Variants in UBE2K observed in about 807,000 individuals in gnomAD.
UBE2K encodes the protein ubiquitin-conjugating enzyme E2 K.
A neutral mutation model predicts 30.0 loss-of-function variants in UBE2K; 6 were observed. The ratio of observed to expected loss-of-function variants is 0.20; its 90% CI spans 0.11 to 0.39. UBE2K has a LOEUF of 0.39. UBE2K is among the 10% of genes least tolerant of loss of function. UBE2K has a pLI of 1.00. For synonymous variants in UBE2K, 86 were observed against 83.7 expected (o/e 1.03, Z -0.15); for missense variants, 61 against 241.6 (o/e 0.25, Z 4.96).
chr4:39,733,927 G>A (rs1720214160), intron 1 of UBE2K, among the ~76,000 whole-genome samples: 1 of 152,078 alleles, frequency 6.6e-6, no homozygotes, highest in Non-Finnish European at 1.5e-5. Context: ...GCTTGTGGGA[G>A]CAGGGGGATT....
rs1275616922 is a variant in UBE2K at position 39,747,082 on chromosome 4, A to G, written c.216+1272A>G. On this transcript the variant is annotated intron_variant, in intron 3 of 6. Transcript: ENST00000261427. ...TTGTTCCAGTTTAAGAATAGATATG[A>G]TAATGGAAGTTCCAGGGTGATTTTG... 5.9e-5 allele frequency among the ~76,000 whole-genome samples: 9 copies of G among 152,320 alleles called. No individual in the cohort carries two copies. In the East Asian group the frequency reaches 1.7e-3, roughly 29 times the overall value.
chr4:39,716,905 G>A (rs927919362), intron 1 of UBE2K, among the ~76,000 whole-genome samples: 1 of 151,166 alleles, frequency 6.6e-6, no homozygotes, highest in African/African-American at 2.4e-5. Flanking sequence ...AGCCGAGACA[G>A]GAGAATCACT....
chr4:39,734,147 C>T (rs1720225905), intron 1 of UBE2K, among the ~76,000 whole-genome samples: 1 of 149,174 alleles, frequency 6.7e-6, no homozygotes, highest in Admixed American at 6.8e-5. Context: ...ACTGTGTTAC[C>T]CAAACTGGAG....
At chr4:39,764,886 T>C (rs200783395) in intron 4 of UBE2K, among the ~76,000 whole-genome samples, 2,267 of 72,532 alleles carry the variant, frequency 0.031, 56 homozygotes, top group African/African-American at 0.14. Context: ...TAAGAACTTA[T>C]TAATTTTTTT....
intron 1 of UBE2K, among the ~76,000 whole-genome samples, chr4:39,707,646 C>G (rs543337509): frequency 4.8e-4 from 73 of 151,546 alleles, no homozygotes; most frequent in African/African-American, 1.7e-3. Flanking sequence ...CTCAGCCTCC[C>G]GAGTAGCTGG....
At chr4:39,703,946 A>C (rs1718182322) in intron 1 of UBE2K, among the ~76,000 whole-genome samples, 1 of 152,066 alleles carries the variant, frequency 6.6e-6, no homozygotes, top group Admixed American at 6.6e-5. Context: ...AAGACAAAAA[A>C]TATATACTGG....
intron 3 of UBE2K, among the ~76,000 whole-genome samples, chr4:39,747,304 T>C (rs1328825426): frequency 6.6e-6 from 1 of 152,224 alleles, no homozygotes; most frequent in Non-Finnish European, 1.5e-5. Flanking sequence ...TCTGTAGAAC[T>C]TTCTCACCTT....
In UBE2K at chr4:39,725,555, G is replaced by C. The variant is rs570425312; in HGVS notation, c.64-11865G>C. On this transcript the variant is annotated intron_variant, in intron 1 of 6. Coordinates refer to ENST00000261427, the MANE Select transcript of UBE2K (RefSeq NM_005339.5). Reference sequence around the variant, plus strand: ...GGGATTGGGTTTTTCACTTCCCTTGGGTCAGTTAGCTCTGATAAAACTCCA... The same window carrying C: ...GGGATTGGGTTTTTCACTTCCCTTGCGTCAGTTAGCTCTGATAAAACTCCA... 4.6e-5 allele frequency among the ~76,000 whole-genome samples: 7 copies of C among 152,038 alleles called. No homozygotes were observed. The East Asian group carries it at 1.4e-3, about 29-fold the overall frequency.
chr4:39,734,940 C>T (rs180904482), intron 1 of UBE2K, among the ~76,000 whole-genome samples: 11 of 152,326 alleles, frequency 7.2e-5, no homozygotes, highest in Non-Finnish European at 1.6e-4. Flanking sequence ...TCTAATCTCC[C>T]TCTCCTTTCC....
chr4:39,711,027 C>T (rs1349649214), intron 1 of UBE2K, among the ~76,000 whole-genome samples: 1 of 151,142 alleles, frequency 6.6e-6, no homozygotes, highest in Non-Finnish European at 1.5e-5. Flanking sequence ...ATATCCTTCC[C>T]CTTCATATTT....
chr4:39,778,283 TA>T (rs1713398137), intron 6 of UBE2K, 76 bp from the exon 7 acceptor site: 3 of 914,318 alleles, frequency 3.3e-6, no homozygotes, highest in Non-Finnish European at 5.1e-6. Flanking sequence ...TAATTCCCAG[TA>T]TAAAGAGTGA....
chr4:39,716,244 A>G (rs373661205), intron 1 of UBE2K, among the ~76,000 whole-genome samples: 38 of 150,130 alleles, frequency 2.5e-4, no homozygotes, highest in African/African-American at 6.9e-4. Flanking sequence ...AGGATGGACT[A>G]TTTATTTATT....
intron 1 of UBE2K, among the ~76,000 whole-genome samples, chr4:39,718,255 CCA>C (rs1342178716): frequency 6.6e-6 from 1 of 152,148 alleles, no homozygotes; most frequent in African/African-American, 2.4e-5. Flanking sequence ...CAAAAGTTCT[CCA>C]TGTTCTCTAG....
chr4:39,724,583 CAAAAAAAAAAA>C (rs60854193), intron 1 of UBE2K, among the ~76,000 whole-genome samples: 61 of 52,154 alleles, frequency 1.2e-3, no homozygotes, highest in Admixed American at 5.7e-3. Context: ...CCCGTCTCTG[CAAAAAAAAAAA>C]AAAAAAAAAA....
At chr4:39,731,923 T>C (rs1481211702) in intron 1 of UBE2K, among the ~76,000 whole-genome samples, 1 of 152,194 alleles carries the variant, frequency 6.6e-6, no homozygotes, top group Non-Finnish European at 1.5e-5. Flanking sequence ...CAATAAGAAT[T>C]ACTTGTAACT....
chr4:39,772,583 AAAAG>A (rs955833079), intron 4 of UBE2K, among the ~76,000 whole-genome samples: 4 of 108,320 alleles, frequency 3.7e-5, no homozygotes, highest in Admixed American at 1.1e-4. Context: ...AAAAAAGAAA[AAAAG>A]AAGAATGATC....
intron 2 of UBE2K, among the ~76,000 whole-genome samples, chr4:39,739,774 A>T (rs1720595065): frequency 6.6e-6 from 1 of 152,060 alleles, no homozygotes; most frequent in Non-Finnish European, 1.5e-5. Flanking sequence ...TTTATTGGAG[A>T]GATGGCATCT....
chr4:39,752,540 G>A (rs1378215021), intron 3 of UBE2K, among the ~76,000 whole-genome samples: 1 of 151,920 alleles, frequency 6.6e-6, no homozygotes, highest in East Asian at 1.9e-4. Flanking sequence ...GTTTCACCGT[G>A]TTAGCCAGGA....
At chr4:39,760,336 T>TTTA (rs1711841129) in intron 4 of UBE2K, among the ~76,000 whole-genome samples, 1 of 152,108 alleles carries the variant, frequency 6.6e-6, no homozygotes, top group East Asian at 1.9e-4. Flanking sequence ...TATGCCTACT[T>TTTA]TTTAAAAGAC....
Sources: allele counts gnomAD v4.1 joint callset (sites outside exome capture counted in the v4.1 genomes callset), GRCh38; gene constraint gnomAD v4.1.1; transcripts MANE v1.5; gene names NCBI Gene and HGNC (gene_info 2026-07-23, HGNC 2026-07-21).